Variants in FER1L6 observed in about 807,000 individuals in gnomAD.
The protein encoded by FER1L6 is fer-1-like protein 6.
FER1L6 carries 177 observed loss-of-function variants against 219.2 expected under a neutral mutation model. The observed-to-expected ratio is 0.81, with a 90% CI of 0.71 to 0.91. FER1L6 has a LOEUF of 0.91. Among genes scored for constraint, FER1L6 ranks in the 40% least tolerant of loss-of-function variants. The pLI is 0.00. For synonymous variants in FER1L6, 768 were observed against 824.3 expected, an observed-to-expected ratio of 0.93 and a Z score of 1.17; for missense variants, 2,153 against 2,259.9, an observed-to-expected ratio of 0.95 and a Z score of 0.96.
intron 16 of FER1L6, among the ~76,000 whole-genome samples, chr8:124,019,556 T>G (rs1005122129): frequency 1.3e-5 from 2 of 152,200 alleles, no homozygotes; most frequent in Admixed American, 6.5e-5. Flanking sequence ...GCTTCCTATG[T>G]GCCACACACT....
In FER1L6 at chr8:124,119,818, C is replaced by T; in HGVS notation, c.*28C>T. On this transcript the variant is annotated 3_prime_UTR_variant, in exon 41 of 41. Coordinates refer to ENST00000522917, the MANE Select transcript of FER1L6 (RefSeq NM_001039112.2). ...GATCATGGAGGACCCAGATCCTCGC[C>T]ATATACTAATCCTCTCTTCCTTATC... The T allele has an allele frequency of 6.2e-7, 1 of 1,607,180 alleles. No homozygotes were observed.
At chr8:124,047,781 T>G (rs148433796) in intron 21 of FER1L6, 54 of 152,260 alleles carry the variant, frequency 3.5e-4, no homozygotes, top group African/African-American at 1.3e-3. Flanking sequence ...TGCAAAAACT[T>G]TTGTTCACCC....
At chr8:123,869,807 A>G (rs1453260296) in intron 1 of FER1L6, among the ~76,000 whole-genome samples, 2 of 152,260 alleles carry the variant, frequency 1.3e-5, no homozygotes, top group African/African-American at 4.8e-5. Context: ...AGTGACAGTA[A>G]TGAAGACAGT....
At position 124,084,423 on chromosome 8, in the gene FER1L6, C is replaced by A. The variant is rs1799541410; in HGVS notation, c.4391+1965C>A. On this transcript the variant is annotated intron_variant, in intron 33 of 40. Transcript: ENST00000522917. ...TGTGTATGTTTTTTATTGTGTTGAG[C>A]TATGTCCCTTCTATACTCAAGTTTT... 2.0e-5 allele frequency among the ~76,000 whole-genome samples: 3 copies of A among 152,042 alleles called. No individual in the cohort carries two copies. The South Asian group carries it at 6.2e-4, about 32-fold the overall frequency.
chr8:123,962,140 C>CA (rs778609940), intron 2 of FER1L6, among the ~76,000 whole-genome samples: 1 of 152,266 alleles, frequency 6.6e-6, no homozygotes, highest in Non-Finnish European at 1.5e-5. Flanking sequence ...CTGCCTGCCT[C>CA]AGCCTTCCAA....
intron 7 of FER1L6, among the ~76,000 whole-genome samples, chr8:123,974,775 A>G (rs937366243): frequency 6.6e-6 from 1 of 151,966 alleles, no homozygotes; most frequent in Admixed American, 6.6e-5. Flanking sequence ...TTTGACTCAC[A>G]GTGAGGCCAA....
intron 1 of FER1L6, among the ~76,000 whole-genome samples, chr8:123,929,961 G>A (rs1813707137): frequency 1.5e-5 from 2 of 132,254 alleles, no homozygotes; most frequent in African/African-American, 2.9e-5. Flanking sequence ...CTACTAGATG[G>A]CACTGTTTTT....
Position 123,966,005 on chromosome 8 carries a change from A to AG in FER1L6, c.198-1dup. On this transcript the variant is annotated splice_acceptor_variant, in intron 3 of 40. Transcript: ENST00000522917. LOFTEE classifies it high-confidence loss of function. Reference sequence around the variant, plus strand: ...CAAACATATTAAACTTTCTTTTAATAGATCAAAACTGTTGACTAAGATCCA... The same window carrying AG: ...CAAACATATTAAACTTTCTTTTAATAGGATCAAAACTGTTGACTAAGATCCA... The AG allele has an allele frequency of 6.2e-7, 1 of 1,611,948 alleles. No individual in the cohort carries two copies. The highest frequency in any genetic ancestry group is 8.5e-7 in the Non-Finnish European group (1 of 1,178,422).
rs1266965031 is a variant in FER1L6 at position 123,973,425 on chromosome 8, T to C, written c.448-9T>C. 1 of 1,610,746 alleles carries C rather than the reference T, an allele frequency of 6.2e-7. No homozygotes were observed. The highest frequency in any genetic ancestry group is 1.3e-5 in the African/African-American group (1 of 74,840). On this transcript the variant is annotated splice_polypyrimidine_tract_variant and intron_variant, in intron 6 of 40. Coordinates refer to ENST00000522917, the MANE Select transcript of FER1L6 (RefSeq NM_001039112.2). ...AATCTGCCATACTCCCTGCTCTCTC[T>C]CTCCTCAGGTCTTTCACCACAAGCT... is the stretch of plus-strand genomic sequence containing the variant.
chr8:124,050,498 G>A (rs932242500), intron 22 of FER1L6, among the ~76,000 whole-genome samples: 2 of 152,108 alleles, frequency 1.3e-5, no homozygotes, highest in Non-Finnish European at 2.9e-5. Context: ...TGAGGGGCCT[G>A]TATCAGAGAT....
chr8:123,963,579 G>T (rs537743772), intron 3 of FER1L6, among the ~76,000 whole-genome samples, 181 bp downstream of exon 3: 1 of 152,310 alleles, frequency 6.6e-6, no homozygotes, highest in South Asian at 2.1e-4. Context: ...CTGGCCTCTT[G>T]ATACCGTTCA....
rs573445872 is a variant in FER1L6 at position 124,097,506 on chromosome 8, C to T, written c.4784+147C>T. On this transcript the variant is annotated intron_variant, in intron 36 of 40. Coordinates refer to ENST00000522917, the MANE Select transcript of FER1L6 (RefSeq NM_001039112.2). ...AGTTTTTCAGGAGCTGGTGGTGGCC[C>T]CTGTCTTAAGGGAGGGGCTTCTGAG... is the stretch of plus-strand genomic sequence containing the variant. 3.8e-5 allele frequency: 24 copies of T among 634,222 alleles called. No individual in the cohort carries two copies. The East Asian group carries it at 6.6e-4, about 18-fold the overall frequency. 39.3% of individuals were successfully genotyped at this position (634,222 alleles called of 1,614,324 possible).
intron 14 of FER1L6, among the ~76,000 whole-genome samples, chr8:124,012,940 A>G (rs1818009931): frequency 1.3e-5 from 2 of 152,382 alleles, no homozygotes; most frequent in South Asian, 2.1e-4. Context: ...CCATTGCCAT[A>G]TACAATCTGT....
chr8:124,091,495 G>A lies in FER1L6; in HGVS notation c.4464G>A (p.Lys1488=), dbSNP rs763144227. Residue 1488 remains lysine, a synonymous_variant, in exon 34 of 41, where the codon AAG becomes AAA. Transcript: ENST00000522917. ...TCACTAAGCTCTGCAAAGACAACAA[G>A]CTGGATGGACCCTACTTTCACCCTG... ...EILTKLCKDN[K]LDGPYFHPGK... The A allele has an allele frequency of 1.9e-5, 30 of 1,613,930 alleles. No homozygotes were observed. In the East Asian group the frequency reaches 6.2e-4, roughly 34 times the overall value.
intron 1 of FER1L6, among the ~76,000 whole-genome samples, chr8:123,932,928 G>C (rs1335812447): frequency 6.6e-6 from 1 of 152,164 alleles, no homozygotes; most frequent in Non-Finnish European, 1.5e-5. Context: ...CAGGTAAAAG[G>C]GTCAACTATC....
intron 1 of FER1L6, among the ~76,000 whole-genome samples, chr8:123,937,353 A>G (rs566893246): frequency 6.6e-6 from 1 of 152,332 alleles, no homozygotes; most frequent in East Asian, 1.9e-4. Flanking sequence ...ATCTAGCTAG[A>G]TATTATCATA....
intron 1 of FER1L6, among the ~76,000 whole-genome samples, chr8:123,933,378 C>CTGTG (rs767541659): frequency 9.2e-5 from 12 of 130,242 alleles, no homozygotes; most frequent in African/African-American, 3.6e-4. Flanking sequence ...ATATGTGTGT[C>CTGTG]TGTGTGTGTG....
At chr8:123,920,229 C>G (rs948900958) in intron 1 of FER1L6, among the ~76,000 whole-genome samples, 5 of 152,276 alleles carry the variant, frequency 3.3e-5, no homozygotes, top group Admixed American at 3.3e-4. Flanking sequence ...ACTTGGTCAT[C>G]AGGACCACGA....
intron 1 of FER1L6, among the ~76,000 whole-genome samples, chr8:123,868,065 C>T (rs1213454231): frequency 6.6e-6 from 1 of 152,012 alleles, no homozygotes; most frequent in African/African-American, 2.4e-5. Flanking sequence ...GGCTTTTTTC[C>T]CTCGACATTG....
Sources: allele counts gnomAD v4.1 joint callset (sites outside exome capture counted in the v4.1 genomes callset), GRCh38; gene constraint gnomAD v4.1.1; transcripts MANE v1.5; gene names NCBI Gene and HGNC (gene_info 2026-07-23, HGNC 2026-07-21).